DPYSL3: variants seen among roughly 807,000 people sequenced by gnomAD.
DPYSL3 encodes the protein dihydropyrimidinase-related protein 3.
DPYSL3 carries 16 observed loss-of-function variants against 66.1 expected under a neutral mutation model. The ratio of observed to expected loss-of-function variants is 0.24; its 90% CI spans 0.16 to 0.37. The LOEUF is 0.37. Among genes scored for constraint, DPYSL3 ranks in the 10% least tolerant of loss-of-function variants. DPYSL3 has a pLI of 1.00. For missense variants in DPYSL3, 738 were observed against 916.2 expected, an observed-to-expected ratio of 0.81 and a Z score of 2.51; for synonymous variants, 338 against 345.1, an observed-to-expected ratio of 0.98 and a Z score of 0.23.
At chr5:147,447,780 G>A (rs1168013907) in intron 1 of DPYSL3, among the ~76,000 whole-genome samples, 5 of 152,176 alleles carry the variant, frequency 3.3e-5, no homozygotes, top group African/African-American at 1.2e-4. Context: ...GGAGGTTGCC[G>A]TGAGCTGAGA....
chr5:147,413,889 G>A (rs545651432), intron 4 of DPYSL3, among the ~76,000 whole-genome samples: 2 of 152,092 alleles, frequency 1.3e-5, no homozygotes, highest in Non-Finnish European at 2.9e-5. Context: ...CTTCTTCTGT[G>A]CCTCTTTCTA....
chr5:147,467,915 C>G (rs983321841), intron 1 of DPYSL3, among the ~76,000 whole-genome samples: 2 of 152,152 alleles, frequency 1.3e-5, no homozygotes, highest in Non-Finnish European at 2.9e-5. Flanking sequence ...AGGTCCTCAC[C>G]TGGCTGAATG....
At chr5:147,427,131 C>T (rs1050164690) in intron 1 of DPYSL3, among the ~76,000 whole-genome samples, 3 of 152,206 alleles carry the variant, frequency 2.0e-5, no homozygotes, top group African/African-American at 7.2e-5. Flanking sequence ...CATATAATCA[C>T]CTGGCATCTA....
chr5:147,419,548 C>T (rs544383852), intron 2 of DPYSL3, among the ~76,000 whole-genome samples: 135 of 152,304 alleles, frequency 8.9e-4, no homozygotes, highest in African/African-American at 3.2e-3. Context: ...AACATGTCCA[C>T]TATGGATAAC....
intron 1 of DPYSL3, among the ~76,000 whole-genome samples, chr5:147,452,903 A>T (rs1752763170): frequency 6.6e-6 from 1 of 151,584 alleles, no homozygotes; most frequent in Admixed American, 6.6e-5. Context: ...ACACACACAC[A>T]CACACACACA....
chr5:147,411,811 C>T (rs1342095466), intron 6 of DPYSL3, among the ~76,000 whole-genome samples: 1 of 152,184 alleles, frequency 6.6e-6, no homozygotes, highest in Admixed American at 6.5e-5. Context: ...TCTGTTTTGG[C>T]TCACTTCAAT....
chr5:147,417,571 T>C (rs1052627897), intron 3 of DPYSL3, among the ~76,000 whole-genome samples: 2 of 152,094 alleles, frequency 1.3e-5, no homozygotes, highest in Non-Finnish European at 2.9e-5. Context: ...AGGGGATGTA[T>C]ATGGTGTTAA....
At chr5:147,432,882 A>G (rs940462293) in intron 1 of DPYSL3, among the ~76,000 whole-genome samples, 6 of 152,240 alleles carry the variant, frequency 3.9e-5, no homozygotes, top group Non-Finnish European at 5.9e-5. Flanking sequence ...TACAATAAAA[A>G]CATCACTAAA....
At position 147,397,793 on chromosome 5, in the gene DPYSL3, A is replaced by G. The variant is rs202141552; in HGVS notation, c.1676T>C (p.Val559Ala). Residue 559 changes from valine to alanine, a missense_variant, in exon 12 of 14, where the codon GTT becomes GCT. Physicochemically the swap from Val to Ala is moderately conservative, Grantham distance 64 (BLOSUM62 0). Transcript: ENST00000343218. ...EGMELRGAPL[V>A]VICQGKIMLE... Reference sequence around the variant, plus strand: ...CATGATCTTGCCCTGGCAGATGACAACCAGAGGAGCCCCGCGCAGCTCCAT... The same window carrying G: ...CATGATCTTGCCCTGGCAGATGACAGCCAGAGGAGCCCCGCGCAGCTCCAT... 137 of 1,613,922 alleles carry G rather than the reference A, an allele frequency of 8.5e-5. No homozygotes were observed. The highest frequency in any genetic ancestry group is 1.1e-4 in the Non-Finnish European group (128 of 1,180,016).
intron 1 of DPYSL3, among the ~76,000 whole-genome samples, chr5:147,482,937 C>T (rs948102366): frequency 2.6e-5 from 4 of 152,166 alleles, no homozygotes; most frequent in Non-Finnish European, 5.9e-5. Flanking sequence ...GAGGAACTGT[C>T]AAACTCTTAT....
Position 147,509,795 on chromosome 5 carries a change from T to C in DPYSL3, c.64A>G (p.Arg22Gly). 1 of 1,535,958 alleles carries C rather than the reference T, an allele frequency of 6.5e-7. No homozygotes were observed. The highest frequency in any genetic ancestry group is 8.7e-7 in the Non-Finnish European group (1 of 1,146,784). The change falls in exon 1 of 14, where the codon AGG becomes GGG. Residue 22 changes from arginine (R) to glycine (G), a missense_variant. By Grantham distance (125) the Arg-to-Gly change is moderately radical. Coordinates refer to ENST00000343218, the MANE Select transcript of DPYSL3 (RefSeq NM_001197294.2). This position sits in a 1 kb window ranked among gnomAD's most constrained non-coding sequence, Gnocchi z 5.3. ...GGGACCTGGTCCGTGGTGCCCGGCC[T>C]GGCCAGGTACACGGGCAGATCGTCT... ...HEDDLPVYLA[R>G]PGTTDQVPRQ...
intron 1 of DPYSL3, among the ~76,000 whole-genome samples, chr5:147,448,592 C>T (rs1423249047): frequency 6.6e-6 from 1 of 152,176 alleles, no homozygotes; most frequent in Non-Finnish European, 1.5e-5. Flanking sequence ...TGAACACATC[C>T]AGAGTTCACA....
chr5:147,427,823 T>C (rs976005937), intron 1 of DPYSL3, among the ~76,000 whole-genome samples: 1 of 152,150 alleles, frequency 6.6e-6, no homozygotes, highest in Non-Finnish European at 1.5e-5. Context: ...TTGGTAACTG[T>C]AAGAGTACCC....
intron 1 of DPYSL3, among the ~76,000 whole-genome samples, chr5:147,458,540 A>C (rs1410770350): frequency 6.6e-6 from 1 of 152,110 alleles, no homozygotes; most frequent in Non-Finnish European, 1.5e-5. Context: ...ACTTGCTTTC[A>C]TTACTCTATG....
chr5:147,420,033 G>A (rs953149502), intron 2 of DPYSL3, among the ~76,000 whole-genome samples: 8 of 152,158 alleles, frequency 5.3e-5, no homozygotes, highest in African/African-American at 1.4e-4. Context: ...TTCCCCCTTC[G>A]TCACTGCTCC....
intron 1 of DPYSL3, among the ~76,000 whole-genome samples, chr5:147,495,853 T>C (rs974360331): frequency 1.3e-5 from 2 of 152,146 alleles, no homozygotes; most frequent in African/African-American, 4.8e-5. Context: ...AATGGCATCC[T>C]CATCAAGCTA....
intron 11 of DPYSL3, among the ~76,000 whole-genome samples, chr5:147,398,457 T>C (rs1758063376): frequency 6.6e-6 from 1 of 152,214 alleles, no homozygotes; most frequent in African/African-American, 2.4e-5. Flanking sequence ...TAATAGTCCC[T>C]ACCTGTAGAA....
At position 147,489,733 on chromosome 5, in the gene DPYSL3, GTT is replaced by G. The variant is rs61578582; in HGVS notation, c.381+19743_381+19744del. Reference sequence around the variant, plus strand: ...CGACTTCAGCGTTCTTTCCTTTTATGTTTTTTTTTTTTCTCTGCAGCTAAGAT... The same window carrying G: ...CGACTTCAGCGTTCTTTCCTTTTATGTTTTTTTTTTCTCTGCAGCTAAGAT... On this transcript the variant is annotated intron_variant, in intron 1 of 13. Coordinates refer to ENST00000343218, the MANE Select transcript of DPYSL3 (RefSeq NM_001197294.2). Among the ~76,000 whole-genome samples, 962 of 143,104 alleles carry G rather than the reference GTT, an allele frequency of 6.7e-3. 13 individuals carry two copies. Among genetic ancestry groups the G allele is most frequent in the African/African-American group, 0.021 (836 of 39,152 alleles). 93.9% of individuals were successfully genotyped at this position (143,104 alleles called of 152,430 possible).
At chr5:147,451,467 G>A (rs977289950) in intron 1 of DPYSL3, among the ~76,000 whole-genome samples, 21 of 152,310 alleles carry the variant, frequency 1.4e-4, no homozygotes, top group Non-Finnish European at 1.9e-4. Context: ...CTGGTCCTGG[G>A]ATTGGGGCAC....
Sources: allele counts gnomAD v4.1 joint callset (sites outside exome capture counted in the v4.1 genomes callset), GRCh38; gene constraint gnomAD v4.1.1; non-coding constraint Gnocchi (gnomAD v3.1); transcripts MANE v1.5; gene names NCBI Gene and HGNC (gene_info 2026-07-23, HGNC 2026-07-21).